The following NSD1 variants were observed in gnomAD, a reference collection of about 807,000 sequenced individuals.
NSD1 encodes histone-lysine N-methyltransferase, H3 lysine-36 specific.
NSD1 carries 26 observed loss-of-function variants against 242.7 expected under a neutral mutation model. The ratio of observed to expected loss-of-function variants is 0.11; its 90% confidence interval spans 0.08 to 0.15. NSD1 has a LOEUF of 0.15. Ranked by LOEUF, NSD1 falls within the 10% of genes least tolerant of loss-of-function variation. The pLI is 1.00. For synonymous variants in NSD1, 1,106 were observed against 1,178.1 expected, an observed-to-expected ratio of 0.94 and a Z score of 1.25; for missense variants, 2,495 against 3,272.8, an observed-to-expected ratio of 0.76 and a Z score of 5.80.
Position 177,210,875 on chromosome 5 carries a change from A to G in NSD1, c.2476A>G (p.Ser826Gly). 1 of 1,614,198 alleles carries G rather than the reference A, an allele frequency of 6.2e-7. No homozygotes were observed. Among genetic ancestry groups the G allele is most frequent in the South Asian group, 1.1e-5 (1 of 91,084 alleles). The change falls in exon 5 of 23, where the codon AGC becomes GGC. Residue 826 changes from serine (S) to glycine (G), a missense_variant. Ser to Gly is a moderately conservative substitution (Grantham distance 56). Transcript: ENST00000439151. ...TGATACCAAAGGCTCTCCTTTGGCC[A>G]GCATTTCTAAAAGTGGGAAAGTGGA... ...SSDTKGSPLA[S>G]ISKSGKVDGL...
rs1258833559 is a variant in NSD1 at position 177,290,112 on chromosome 5, G to A, written c.6258+1187G>A. On this transcript the variant is annotated intron_variant, in intron 21 of 22. Coordinates refer to ENST00000439151, the MANE Select transcript of NSD1 (RefSeq NM_022455.5). ...CAAAGTGCTGGGATTACAGGCGTGAGCCACTGTGCCCGGCCCTTATATTAT... is the reference window on the plus strand; with the variant it reads ...CAAAGTGCTGGGATTACAGGCGTGAACCACTGTGCCCGGCCCTTATATTAT... Among the ~76,000 whole-genome samples, 7 of 151,334 alleles carry A rather than the reference G, an allele frequency of 4.6e-5. 1 individual carries two copies. The South Asian group carries it at 1.3e-3, about 27-fold the overall frequency.
intron 5 of NSD1, among the ~76,000 whole-genome samples, chr5:177,228,887 A>T (rs1764836661): frequency 6.6e-6 from 1 of 152,162 alleles, no homozygotes; most frequent in Admixed American, 6.5e-5. Context: ...TCCATTTCGG[A>T]GCATTTCTAC....
chr5:177,188,211 C>T (rs535168667), intron 2 of NSD1, among the ~76,000 whole-genome samples: 2 of 152,296 alleles, frequency 1.3e-5, no homozygotes, highest in South Asian at 4.1e-4. Flanking sequence ...GTGTCTGTCT[C>T]TGCAAGATAA....
chr5:177,297,568 A>C lies in NSD1; in HGVS notation c.*2109A>C, dbSNP rs910696295. The stretch of plus-strand genomic sequence containing the variant: ...GTCATCTGTAGTTGTGATCAGAAAA[A>C]GGTATCTGCACTGCACTGTCAGAGT... On this transcript the variant is annotated 3_prime_UTR_variant, in exon 23 of 23. Transcript: ENST00000439151. 3.3e-5 allele frequency: 7 copies of C among 215,074 alleles called. No homozygotes were observed. The highest frequency in any genetic ancestry group is 1.7e-4 in the African/African-American group (7 of 42,334). The allele number at this position is 215,074 out of a possible 1,614,324, so 13.3% of individuals were successfully genotyped here.
chr5:177,176,743 A>C (rs746074388), intron 2 of NSD1, among the ~76,000 whole-genome samples: 1 of 152,194 alleles, frequency 6.6e-6, no homozygotes, highest in African/African-American at 2.4e-5. Flanking sequence ...TAAGGGATAC[A>C]TTGTGTTGGA....
intron 5 of NSD1, among the ~76,000 whole-genome samples, chr5:177,228,077 G>T (rs76244048): frequency 6.6e-6 from 1 of 151,064 alleles, no homozygotes; most frequent in African/African-American, 2.4e-5. Flanking sequence ...CTCTTACTCT[G>T]TACAGTAGTC....
intron 2 of NSD1, among the ~76,000 whole-genome samples, chr5:177,175,406 G>A (rs1013360814): frequency 1.3e-5 from 2 of 151,934 alleles, no homozygotes; most frequent in Non-Finnish European, 1.5e-5. Flanking sequence ...CAGGAGGATC[G>A]CTTGAACCCT....
intron 8 of NSD1, among the ~76,000 whole-genome samples, chr5:177,243,864 T>C (rs1581422915): frequency 1.3e-5 from 2 of 152,152 alleles, no homozygotes; most frequent in Admixed American, 1.3e-4. Flanking sequence ...TGACTAATTT[T>C]GTATTTTTAG....
chr5:177,180,815 T>C (rs1760602123), intron 2 of NSD1, among the ~76,000 whole-genome samples: 1 of 151,622 alleles, frequency 6.6e-6, no homozygotes, highest in Non-Finnish European at 1.5e-5. Flanking sequence ...CCCAAGTAGC[T>C]GGGATTACAG....
At chr5:177,140,092 C>G (rs1490039038) in intron 2 of NSD1, among the ~76,000 whole-genome samples, 1 of 152,130 alleles carries the variant, frequency 6.6e-6, no homozygotes, top group Non-Finnish European at 1.5e-5. Context: ...CCTCTTGTCA[C>G]GAATTAGTAG....
chr5:177,186,055 TAAC>T lies in NSD1; in HGVS notation c.928-5827_928-5825del, dbSNP rs1186825873. Among the ~76,000 whole-genome samples the T allele has an allele frequency of 6.2e-4, 67 of 108,828 alleles. No homozygotes were observed. In the South Asian group the frequency reaches 9.7e-3, roughly 16 times the overall value. 71.4% of individuals were successfully genotyped at this position (108,828 alleles called of 152,430 possible). A position where few individuals can be genotyped will look rare whatever the true frequency, so the allele number is the denominator to read the frequency against. On this transcript the variant is annotated intron_variant, in intron 2 of 22. Coordinates refer to ENST00000439151, the MANE Select transcript of NSD1 (RefSeq NM_022455.5). ...TTTTTTATATATATAATATATAATA[TAAC>T]ATATAATATATGTTATATATAATAT... is the stretch of plus-strand genomic sequence containing the variant.
At chr5:177,205,032 G>T (rs1378418072) in intron 4 of NSD1, among the ~76,000 whole-genome samples, 2 of 151,686 alleles carry the variant, frequency 1.3e-5, no homozygotes, top group Non-Finnish European at 2.9e-5. Flanking sequence ...TGGTTTTTTT[G>T]TTTGTTTGTT....
At chr5:177,252,107 T>C (rs1756019274) in intron 12 of NSD1, among the ~76,000 whole-genome samples, 1 of 152,138 alleles carries the variant, frequency 6.6e-6, no homozygotes, top group Non-Finnish European at 1.5e-5. Flanking sequence ...GCTGATGCCA[T>C]AGAGGAAGAT....
chr5:177,254,324 T>A (rs1756244536), intron 12 of NSD1, among the ~76,000 whole-genome samples: 1 of 152,232 alleles, frequency 6.6e-6, no homozygotes, highest in Non-Finnish European at 1.5e-5. Flanking sequence ...ATCAATTTGT[T>A]CTTTTTATGG....
rs1765176915 is a variant in NSD1 at position 177,233,066 on chromosome 5, G to A, written c.3797-2755G>A. On this transcript the variant is annotated intron_variant, in intron 5 of 22. Transcript: ENST00000439151. ...TGTTCTCACTGTTAGTGATTTCAAG[G>A]CATGAATTTCTTTTCTTTTCTTTTT... Among the ~76,000 whole-genome samples the A allele has an allele frequency of 3.9e-5, 6 of 152,098 alleles. No homozygotes were observed. In the South Asian group the frequency reaches 1.2e-3, roughly 32 times the overall value.
At chr5:177,219,823 A>T (rs962368278) in intron 5 of NSD1, among the ~76,000 whole-genome samples, 1 of 152,112 alleles carries the variant, frequency 6.6e-6, no homozygotes, top group African/African-American at 2.4e-5. Flanking sequence ...CTAGCTGGGC[A>T]TGGTTGCTCA....
At chr5:177,175,397 A>C (rs1033068849) in intron 2 of NSD1, among the ~76,000 whole-genome samples, 1 of 152,120 alleles carries the variant, frequency 6.6e-6, no homozygotes, top group Admixed American at 6.6e-5. Context: ...AGGCCAGTGC[A>C]GGAGGATCGC....
rs756060328 is a variant in NSD1, at chr5:177,244,980, A to G, written c.4378+710A>G. Among the ~76,000 whole-genome samples the G allele has an allele frequency of 1.8e-4, 27 of 152,304 alleles. 1 individual carries two copies. The highest frequency in any genetic ancestry group is 1.6e-4 in the Non-Finnish European group (11 of 68,020). ...CAATTTCAGTGCTTTGGAGGCCAAG[A>G]TAAGAGGATGACTTGAGGCCAGGTG... On this transcript the variant is annotated intron_variant, in intron 9 of 22. Coordinates refer to ENST00000439151, the MANE Select transcript of NSD1 (RefSeq NM_022455.5).
Position 177,210,407 on chromosome 5 carries a change from G to A in NSD1, c.2008G>A (p.Asp670Asn), listed in dbSNP as rs1554189230. 4.3e-6 allele frequency: 7 copies of A among 1,613,902 alleles called. No homozygotes were observed. Among genetic ancestry groups the A allele is most frequent in the South Asian group, 1.1e-5 (1 of 91,064 alleles). ...NSVLEIPDAF[D>N]RTENMLSMQK... The stretch of plus-strand genomic sequence containing the variant: ...TGTCCTTGAAATTCCAGATGCTTTC[G>A]ATAGAACAGAGAACATGTTATCTAT... Residue 670 changes from aspartate (D) to asparagine (N), a missense_variant, in exon 5 of 23, where the codon GAT (aspartate) becomes AAT (asparagine). Physicochemically the swap from Asp to Asn is conservative, Grantham distance 23. This residue lies in a region of NSD1 where 515 missense variants were observed against 467.0 expected (regional missense o/e 1.10). Transcript: ENST00000439151.
Sources: allele counts gnomAD v4.1 joint callset (sites outside exome capture counted in the v4.1 genomes callset), GRCh38; gene constraint gnomAD v4.1.1; regional missense constraint gnomAD v4.1.1; transcripts MANE v1.5; gene names NCBI Gene and HGNC (gene_info 2026-07-23, HGNC 2026-07-21).